SGCZ: variants seen among roughly 807,000 people sequenced by gnomAD.
The protein encoded by SGCZ is zeta-sarcoglycan.
Under a neutral mutation model 41.3 loss-of-function variants are expected in SGCZ, and 40 were observed. The observed-to-expected ratio is 0.97, with a 90% CI of 0.75 to 1.26. The LOEUF is 1.26. Among genes scored for constraint, SGCZ ranks in the 50% most tolerant of loss-of-function variants. The pLI is 0.00. For synonymous variants in SGCZ, 206 were observed against 137.5 expected, an observed-to-expected ratio of 1.50 and a Z score of -3.49; for missense variants, 552 against 369.8, an observed-to-expected ratio of 1.49 and a Z score of -4.04.
chr8:14,552,550 A>C (rs986573208), intron 2 of SGCZ, among the ~76,000 whole-genome samples: 2 of 152,050 alleles, frequency 1.3e-5, no homozygotes, highest in African/African-American at 4.8e-5. Context: ...AATAAATACC[A>C]ACACTCCTAT....
chr8:14,180,920 G>A (rs1463828856), intron 4 of SGCZ, among the ~76,000 whole-genome samples: 1 of 151,784 alleles, frequency 6.6e-6, no homozygotes, highest in Non-Finnish European at 1.5e-5. Context: ...CCAGAAGGGA[G>A]GTGGTTCCAG....
intron 1 of SGCZ, among the ~76,000 whole-genome samples, chr8:14,561,370 A>C (rs1306358531): frequency 1.3e-5 from 2 of 152,314 alleles, no homozygotes; most frequent in South Asian, 2.1e-4. Context: ...TTCTCAGAAC[A>C]GTTAAGTGGA....
At chr8:14,283,282 T>C (rs1431382641) in intron 3 of SGCZ, among the ~76,000 whole-genome samples, 2 of 152,212 alleles carry the variant, frequency 1.3e-5, no homozygotes, top group Non-Finnish European at 2.9e-5. Flanking sequence ...CGATTCCCAT[T>C]CTGCTCAATT....
chr8:15,142,127 C>T (rs1195271981), intron 1 of SGCZ, among the ~76,000 whole-genome samples: 1 of 152,106 alleles, frequency 6.6e-6, no homozygotes, highest in Non-Finnish European at 1.5e-5. Context: ...CTGAAATGGA[C>T]ATGTTTATTA....
At chr8:14,696,392 C>T (rs934089152) in intron 1 of SGCZ, among the ~76,000 whole-genome samples, 2 of 152,038 alleles carry the variant, frequency 1.3e-5, no homozygotes, top group African/African-American at 2.4e-5. Flanking sequence ...GAGCGAAAGC[C>T]CACTGATAAC....
chr8:14,456,634 G>C (rs1045071808), intron 2 of SGCZ, among the ~76,000 whole-genome samples: 5 of 152,142 alleles, frequency 3.3e-5, no homozygotes, highest in Admixed American at 1.3e-4. Context: ...AGAGTGAAAA[G>C]AAAGGGAGAA....
chr8:14,883,448 A>T (rs1804668274), intron 1 of SGCZ, among the ~76,000 whole-genome samples: 1 of 152,092 alleles, frequency 6.6e-6, no homozygotes, highest in Non-Finnish European at 1.5e-5. Context: ...AATAGTTTTT[A>T]AAAATGAGTT....
chr8:14,989,933 C>G (rs1353655426), intron 1 of SGCZ, among the ~76,000 whole-genome samples: 1 of 152,196 alleles, frequency 6.6e-6, no homozygotes, highest in Admixed American at 6.5e-5. Context: ...AGGAACTCTT[C>G]CTTCTACGTG....
At chr8:14,917,273 T>C (rs950271945) in intron 1 of SGCZ, among the ~76,000 whole-genome samples, 1 of 150,456 alleles carries the variant, frequency 6.6e-6, no homozygotes, top group African/African-American at 2.4e-5. Context: ...ATATTTTAAA[T>C]GTTGAAAATT....
intron 1 of SGCZ, among the ~76,000 whole-genome samples, chr8:14,963,693 A>T (rs1478966336): frequency 6.6e-6 from 1 of 152,176 alleles, no homozygotes; most frequent in Non-Finnish European, 1.5e-5. Context: ...TTGGAATTCA[A>T]GCTAGCTCTA....
intron 7 of SGCZ, among the ~76,000 whole-genome samples, chr8:14,096,675 G>C (rs1186325761): frequency 6.6e-6 from 1 of 152,090 alleles, no homozygotes; most frequent in African/African-American, 2.4e-5. Context: ...TTTCAAGAGG[G>C]ATGGTACCAG....
At chr8:14,625,433 G>T (rs890465856) in intron 1 of SGCZ, among the ~76,000 whole-genome samples, 7 of 152,026 alleles carry the variant, frequency 4.6e-5, no homozygotes, top group African/African-American at 1.7e-4. Context: ...TATATTTTAT[G>T]ATACATTGTT....
intron 1 of SGCZ, among the ~76,000 whole-genome samples, chr8:14,813,630 C>A (rs1025762540): frequency 4.6e-5 from 7 of 152,088 alleles, no homozygotes; most frequent in African/African-American, 1.4e-4. Context: ...TTGTAGGTCA[C>A]CATTATGTCA....
At chr8:14,287,358 C>A (rs890542) in intron 3 of SGCZ, among the ~76,000 whole-genome samples, 26,758 of 151,706 alleles carry the variant, frequency 0.18, 2,633 homozygotes, top group African/African-American at 0.24. Context: ...ATTTAAATAA[C>A]AACCCTCTAT....
At chr8:14,559,081 G>A (rs753446212) in intron 1 of SGCZ, among the ~76,000 whole-genome samples, 22 of 152,016 alleles carry the variant, frequency 1.4e-4, no homozygotes, top group Non-Finnish European at 1.5e-4. Context: ...AGATAAGGAT[G>A]TCCCCTCTCA....
chr8:14,328,849 A>G (rs1411187188), intron 2 of SGCZ, among the ~76,000 whole-genome samples: 1 of 152,200 alleles, frequency 6.6e-6, no homozygotes, highest in Non-Finnish European at 1.5e-5. Context: ...TAAGGCCCTT[A>G]TAAAAGAGGT....
intron 1 of SGCZ, among the ~76,000 whole-genome samples, chr8:14,976,506 C>T (rs538984551): frequency 6.6e-6 from 1 of 152,018 alleles, no homozygotes; most frequent in Non-Finnish European, 1.5e-5. Context: ...TTACAAGTTG[C>T]TTTGTTGCTT....
chr8:14,586,226 G>A (rs1005749478), intron 1 of SGCZ, among the ~76,000 whole-genome samples: 2 of 151,966 alleles, frequency 1.3e-5, no homozygotes, highest in African/African-American at 2.4e-5. Flanking sequence ...TTTTGTTTTT[G>A]TTTTTCCCTC....
chr8:14,444,793 C>T (rs1296211139), intron 2 of SGCZ, among the ~76,000 whole-genome samples: 2 of 151,720 alleles, frequency 1.3e-5, no homozygotes, highest in East Asian at 3.9e-4. Context: ...GCACATGTAC[C>T]CTAAAACTTA....
Sources: allele counts gnomAD v4.1 joint callset (sites outside exome capture counted in the v4.1 genomes callset), GRCh38; gene constraint gnomAD v4.1.1; transcripts MANE v1.5; gene names NCBI Gene and HGNC (gene_info 2026-07-23, HGNC 2026-07-21).